Variants in PACS1 observed in about 807,000 individuals in gnomAD.
PACS1 encodes the protein phosphofurin acidic cluster sorting protein 1, also known as PACS-1.
Under a neutral mutation model 115.0 loss-of-function variants are expected in PACS1, and 24 were observed. The ratio of observed to expected loss-of-function variants is 0.21; its 90% CI spans 0.15 to 0.29. The LOEUF is 0.29. PACS1 is among the 10% of genes least tolerant of loss of function. The probability of loss-of-function intolerance (pLI) is 1.00; values close to 1 mark genes in which losing one functional copy is unlikely to be tolerated. For synonymous variants in PACS1, 453 were observed against 504.5 expected, an observed-to-expected ratio of 0.90 and a Z score of 1.37; for missense variants, 838 against 1,251.2, an observed-to-expected ratio of 0.67 and a Z score of 4.98.
intron 1 of PACS1, among the ~76,000 whole-genome samples, chr11:66,179,447 G>A (rs976832970): frequency 3.3e-5 from 5 of 152,190 alleles, no homozygotes; most frequent in Non-Finnish European, 7.3e-5. Flanking sequence ...CCAAAGCTGG[G>A]ATTACAGACG....
chr11:66,136,967 TG>T (rs1407210978), intron 1 of PACS1, among the ~76,000 whole-genome samples: 1 of 151,918 alleles, frequency 6.6e-6, no homozygotes, highest in Non-Finnish European at 1.5e-5. Context: ...TTTTTCTTCT[TG>T]ATTTTTGGGG....
At chr11:66,111,484 A>T (rs1282363763) in intron 1 of PACS1, among the ~76,000 whole-genome samples, 1 of 152,178 alleles carries the variant, frequency 6.6e-6, no homozygotes, top group African/African-American at 2.4e-5. Context: ...CTGCATTTGG[A>T]TATTGGATCA....
At chr11:66,113,865 ATACAT>A (rs1345196353) in intron 1 of PACS1, among the ~76,000 whole-genome samples, 1 of 152,026 alleles carries the variant, frequency 6.6e-6, no homozygotes, top group African/African-American at 2.4e-5. Context: ...TCCTTTATTA[ATACAT>A]TATTTTGCAA....
intron 1 of PACS1, among the ~76,000 whole-genome samples, chr11:66,118,102 G>A (rs914540867): frequency 2.0e-5 from 3 of 152,190 alleles, no homozygotes; most frequent in Non-Finnish European, 2.9e-5. Context: ...ATTCATCTAC[G>A]TTAGTCTAAA....
At chr11:66,161,143 C>T (rs1859480498) in intron 1 of PACS1, among the ~76,000 whole-genome samples, 1 of 151,986 alleles carries the variant, frequency 6.6e-6, no homozygotes, top group African/African-American at 2.4e-5. Context: ...GTGTGTATGG[C>T]CAAAGTTTAA....
chr11:66,096,525 G>T, intron 1 of PACS1, among the ~76,000 whole-genome samples: 1 of 141,384 alleles, frequency 7.1e-6, no homozygotes. Context: ...TTTTTGAGAC[G>T]GGAGTTTCAC....
chr11:66,070,990 A>G lies in PACS1; in HGVS notation c.356+148A>G. 1.2e-6 allele frequency: 1 copy of G among 801,562 alleles called. No individual in the cohort carries two copies. The highest frequency in any genetic ancestry group is 1.7e-6 in the Non-Finnish European group (1 of 575,762). The allele number at this position is 801,562 out of a possible 1,614,324, so 49.7% of individuals were successfully genotyped here. On this transcript the variant is annotated intron_variant, in intron 1 of 23. Transcript: ENST00000320580. This position sits in a 1 kb window ranked among gnomAD's most constrained non-coding sequence, Gnocchi z 5.9. ...CCTGGCTCCAGCCAGGCCTCCCGGG[A>G]CTCCTGCCACGGGGACCCGCCCTCT...
intron 1 of PACS1, among the ~76,000 whole-genome samples, chr11:66,097,715 A>G (rs1423844353): frequency 2.0e-5 from 3 of 152,200 alleles, no homozygotes; most frequent in Non-Finnish European, 4.4e-5. Context: ...GTTGCCCTGT[A>G]TCTCCACCGA....
chr11:66,210,999 G>T (rs1855058270), intron 3 of PACS1, 135 bp from the exon 4 acceptor site: 7 of 1,011,410 alleles, frequency 6.9e-6, no homozygotes, highest in Non-Finnish European at 1.0e-5. Flanking sequence ...CAACTTCATG[G>T]CTCTCCTTTC....
chr11:66,099,151 C>T (rs1301478625), intron 1 of PACS1, among the ~76,000 whole-genome samples: 5 of 152,206 alleles, frequency 3.3e-5, no homozygotes, highest in African/African-American at 4.8e-5. Context: ...TCAAGCAGTT[C>T]TCCTGCCTCA....
At chr11:66,077,379 A>G (rs1373829724) in intron 1 of PACS1, among the ~76,000 whole-genome samples, 2 of 152,176 alleles carry the variant, frequency 1.3e-5, no homozygotes, top group Non-Finnish European at 2.9e-5. Context: ...CCTAGACAAC[A>G]TGGCAACCCC....
intron 1 of PACS1, among the ~76,000 whole-genome samples, chr11:66,115,748 G>C (rs1858290924): frequency 6.6e-6 from 1 of 152,136 alleles, no homozygotes; most frequent in African/African-American, 2.4e-5. Flanking sequence ...TTTTTCTTTC[G>C]TATTAGCTGA....
At chr11:66,099,369 G>A (rs901536275) in intron 1 of PACS1, among the ~76,000 whole-genome samples, 12 of 142,162 alleles carry the variant, frequency 8.4e-5, no homozygotes, top group South Asian at 2.3e-4. Flanking sequence ...GACTACAGGC[G>A]CCCACCACCA....
At chr11:66,118,303 G>A (rs898291632) in intron 1 of PACS1, among the ~76,000 whole-genome samples, 4 of 152,198 alleles carry the variant, frequency 2.6e-5, no homozygotes, top group Non-Finnish European at 4.4e-5. Flanking sequence ...CCTAGTGTCT[G>A]TATAAAGATA....
chr11:66,100,801 G>T (rs749659684), intron 1 of PACS1: 1 of 456,272 alleles, frequency 2.2e-6, no homozygotes, highest in South Asian at 1.5e-5. Context: ...CCAGCTATTA[G>T]CTGGGACCTC....
intron 1 of PACS1, among the ~76,000 whole-genome samples, chr11:66,080,321 G>A (rs1036790968): frequency 4.6e-5 from 7 of 152,134 alleles, no homozygotes; most frequent in Admixed American, 3.9e-4. Context: ...GTGCTTTCTG[G>A]TGGGGGTGAC....
At chr11:66,234,602 C>T (rs1855669578) in intron 17 of PACS1, among the ~76,000 whole-genome samples, 1 of 152,196 alleles carries the variant, frequency 6.6e-6, no homozygotes. Context: ...CCCCACCAAC[C>T]AGGTGCTTTC....
At chr11:66,173,797 A>T (rs1367229569) in intron 1 of PACS1, among the ~76,000 whole-genome samples, 1 of 152,204 alleles carries the variant, frequency 6.6e-6, no homozygotes, top group Non-Finnish European at 1.5e-5. Flanking sequence ...TCACACCTGT[A>T]ATCCCAGCAC....
chr11:66,161,628 A>G (rs1859489432), intron 1 of PACS1, among the ~76,000 whole-genome samples: 1 of 152,188 alleles, frequency 6.6e-6, no homozygotes, highest in Non-Finnish European at 1.5e-5. Flanking sequence ...CTCAAGTAAA[A>G]GATAAGAATG....
Sources: gnomAD v4.1 joint callset for allele counts (sites outside exome capture counted in the v4.1 genomes callset) on GRCh38, gnomAD v4.1.1 for gene constraint, Gnocchi (gnomAD v3.1) non-coding constraint, MANE v1.5 for transcripts, NCBI Gene and HGNC (gene_info 2026-07-23, HGNC 2026-07-21) for gene names.